Variants in AFDN observed in about 807,000 individuals in gnomAD.
AFDN encodes the protein afadin, adherens junction formation factor.
AFDN carries 68 observed loss-of-function variants against 216.6 expected under a neutral mutation model. That is an observed-to-expected ratio of 0.31 (90% CI 0.26 to 0.38). AFDN has a LOEUF of 0.38. Ranked by LOEUF, AFDN falls within the 10% of genes least tolerant of loss-of-function variation. The pLI is 1.00. For missense variants in AFDN, 2,136 were observed against 2,342.0 expected (o/e 0.91, Z 1.82); for synonymous variants, 868 against 853.7 (o/e 1.02, Z -0.29).
intron 11 of AFDN, 80 bp downstream of exon 11, chr6:167,898,547 T>A (rs1788561351): frequency 7.3e-7 from 1 of 1,365,622 alleles, no homozygotes; most frequent in Non-Finnish European, 9.7e-7. Context: ...ATCTTGGCTT[T>A]TTATTTTTGT....
intron 10 of AFDN, 36 bp from the exon 11 acceptor site, chr6:167,898,169 A>C: frequency 6.2e-7 from 1 of 1,608,848 alleles, no homozygotes; most frequent in South Asian, 1.1e-5. Flanking sequence ...TGTGAACTTC[A>C]TGATGGGAGT....
intron 23 of AFDN, among the ~76,000 whole-genome samples, chr6:167,925,862 G>A (rs1403301060): frequency 6.6e-6 from 1 of 152,130 alleles, no homozygotes; most frequent in Non-Finnish European, 1.5e-5. Flanking sequence ...AAACAAATAT[G>A]TGTTTAGCTA....
At chr6:167,953,531 T>C (rs1796213943) in intron 30 of AFDN, among the ~76,000 whole-genome samples, 1 of 152,228 alleles carries the variant, frequency 6.6e-6, no homozygotes, top group Non-Finnish European at 1.5e-5. Context: ...TATTACATTG[T>C]TTTACTACTA....
intron 1 of AFDN, among the ~76,000 whole-genome samples, chr6:167,831,465 T>A (rs1422083008): frequency 6.6e-6 from 1 of 152,228 alleles, no homozygotes; most frequent in Non-Finnish European, 1.5e-5. Context: ...TTCTTGTAAG[T>A]CTGAGGGACA....
At chr6:167,933,907 G>T (rs1046361832) in intron 23 of AFDN, among the ~76,000 whole-genome samples, 2 of 152,148 alleles carry the variant, frequency 1.3e-5, no homozygotes, top group Non-Finnish European at 2.9e-5. Context: ...GGTTCACACT[G>T]CCCCAGGCTT....
intron 23 of AFDN, among the ~76,000 whole-genome samples, chr6:167,939,266 C>T (rs574188108): frequency 6.6e-6 from 1 of 152,292 alleles, no homozygotes; most frequent in South Asian, 2.1e-4. Context: ...GTCAGTATTA[C>T]ATTAACCGGA....
At chr6:167,869,490 T>A (rs1784561847) in intron 2 of AFDN, among the ~76,000 whole-genome samples, 1 of 152,224 alleles carries the variant, frequency 6.6e-6, no homozygotes, top group African/African-American at 2.4e-5. Context: ...GCAGAGTGAA[T>A]GGATTTCTCC....
chr6:167,879,112 A>G (rs1337849990), intron 5 of AFDN, among the ~76,000 whole-genome samples: 1 of 152,128 alleles, frequency 6.6e-6, no homozygotes, highest in Non-Finnish European at 1.5e-5. Context: ...TGACCTGCTT[A>G]TTGCTGTTCC....
At chr6:167,861,738 C>T (rs1783597047) in intron 1 of AFDN, among the ~76,000 whole-genome samples, 1 of 152,150 alleles carries the variant, frequency 6.6e-6, no homozygotes, top group Non-Finnish European at 1.5e-5. Flanking sequence ...ACAGATGATG[C>T]TTCTGTTTTT....
chr6:167,841,334 G>A (rs1344553581), intron 1 of AFDN, among the ~76,000 whole-genome samples: 1 of 152,100 alleles, frequency 6.6e-6, no homozygotes, highest in Non-Finnish European at 1.5e-5. Flanking sequence ...TGTGTAGGTA[G>A]CAGGTAGCCA....
intron 1 of AFDN, among the ~76,000 whole-genome samples, chr6:167,854,291 G>A (rs1232689280): frequency 1.3e-5 from 2 of 151,874 alleles, no homozygotes; most frequent in Non-Finnish European, 2.9e-5. Flanking sequence ...TGGGTTATTG[G>A]TTCGTTCTTC....
chr6:167,890,748 T>A, intron 7 of AFDN, 114 bp from the exon 8 acceptor site: 3 of 937,860 alleles, frequency 3.2e-6, no homozygotes, highest in Non-Finnish European at 4.9e-6. Context: ...CCTTGGCAGA[T>A]GTTCCTAAAT....
At chr6:167,899,613 G>A (rs2268946) in intron 11 of AFDN, among the ~76,000 whole-genome samples, 50,092 of 151,956 alleles carry the variant, frequency 0.33, 9,245 homozygotes, top group East Asian at 0.6. Context: ...TCAATCATCA[G>A]CTTTTCTTCA....
intron 1 of AFDN, among the ~76,000 whole-genome samples, chr6:167,852,463 A>T (rs1782429987): frequency 6.6e-6 from 1 of 152,170 alleles, no homozygotes; most frequent in African/African-American, 2.4e-5. Context: ...CAATTGTTGG[A>T]CAAGGCTTTA....
intron 20 of AFDN, among the ~76,000 whole-genome samples, chr6:167,917,822 C>G (rs1212278693): frequency 6.6e-6 from 1 of 152,280 alleles, no homozygotes; most frequent in East Asian, 1.9e-4. Flanking sequence ...ATCACCAAAT[C>G]AAAAGCACAG....
chr6:167,914,110 A>C (rs145011384), intron 16 of AFDN, 58 bp from the exon 17 acceptor site: 2 of 1,581,836 alleles, frequency 1.3e-6, no homozygotes, highest in Non-Finnish European at 1.7e-6. Context: ...GCATTCCTTT[A>C]TATTTTTATT....
intron 32 of AFDN, chr6:167,966,338 A>G (rs1797562403): frequency 2.3e-6 from 3 of 1,320,906 alleles, no homozygotes; most frequent in Non-Finnish European, 3.0e-6. Context: ...ATCTCTCTGC[A>G]CACTTGCCCT....
In AFDN at chr6:167,951,380, G is replaced by A. The variant is rs764650290; in HGVS notation, c.4026G>A (p.Leu1342=). The A allele has an allele frequency of 1.2e-6, 2 of 1,614,124 alleles. No individual in the cohort carries two copies. The highest frequency in any genetic ancestry group is 2.2e-5 in the South Asian group (2 of 91,070). ...AGTCGGTCACCCCTGCTTCCACACT[G>A]ACCAAAAGTGGCCCTGGCCGTTGGA... ...SSKSVTPAST[L]TKSGPGRWKT... is the part of the protein sequence containing the mutation. The change falls in exon 30 of 34, where the codon CTG becomes CTA. Residue 1342 remains leucine (L), a synonymous_variant. Transcript: ENST00000683244. The surrounding 1 kb of genome is among the most constrained non-coding windows in gnomAD (Gnocchi z 7.1).
intron 23 of AFDN, among the ~76,000 whole-genome samples, chr6:167,933,958 AT>A (rs1347695440): frequency 2.6e-5 from 4 of 152,138 alleles, no homozygotes; most frequent in African/African-American, 4.8e-5. Context: ...ATCCAGACCC[AT>A]CCCCTGCACA....
Sources: allele counts gnomAD v4.1 joint callset (sites outside exome capture counted in the v4.1 genomes callset), GRCh38; gene constraint gnomAD v4.1.1; non-coding constraint Gnocchi (gnomAD v3.1); transcripts MANE v1.5; gene names NCBI Gene and HGNC (gene_info 2026-07-23, HGNC 2026-07-21).